Variants in PAPPA observed in about 807,000 individuals in gnomAD.
PAPPA encodes the protein pappalysin-1.
A neutral mutation model predicts 164.0 loss-of-function variants in PAPPA; 60 were observed. The ratio of observed to expected loss-of-function variants is 0.37; its 90% CI spans 0.30 to 0.45. PAPPA has a LOEUF of 0.45. Among genes scored for constraint, PAPPA ranks in the 20% least tolerant of loss-of-function variants. PAPPA has a pLI of 1.00. For synonymous variants in PAPPA, 875 were observed against 814.1 expected, an observed-to-expected ratio of 1.07 and a Z score of -1.27; for missense variants, 1,782 against 2,087.3, an observed-to-expected ratio of 0.85 and a Z score of 2.85.
intron 9 of PAPPA, among the ~76,000 whole-genome samples, chr9:116,300,856 T>A (rs899017458): frequency 6.6e-6 from 1 of 152,168 alleles, no homozygotes; most frequent in Non-Finnish European, 1.5e-5. Context: ...AAGAGTATTT[T>A]TTTTTTCTCT....
chr9:116,386,080 G>A (rs1846807177), intron 21 of PAPPA, among the ~76,000 whole-genome samples: 1 of 152,148 alleles, frequency 6.6e-6, no homozygotes, highest in African/African-American at 2.4e-5. Context: ...GAAGGGGAAA[G>A]GTCTCTTAAA....
At chr9:116,304,715 T>C (rs1845621999) in intron 10 of PAPPA, among the ~76,000 whole-genome samples, 1 of 152,142 alleles carries the variant, frequency 6.6e-6, no homozygotes, top group Non-Finnish European at 1.5e-5. Flanking sequence ...GATTATCTCT[T>C]CCTAAACAAA....
At chr9:116,172,409 T>C (rs545766112) in intron 1 of PAPPA, among the ~76,000 whole-genome samples, 3 of 152,314 alleles carry the variant, frequency 2.0e-5, no homozygotes, top group Admixed American at 6.5e-5. Flanking sequence ...TTGGAATGCA[T>C]AATTCCTTGT....
chr9:116,179,069 C>T (rs1376572885), intron 1 of PAPPA, among the ~76,000 whole-genome samples: 1 of 152,164 alleles, frequency 6.6e-6, no homozygotes, highest in Non-Finnish European at 1.5e-5. Flanking sequence ...AAATAGTTTA[C>T]AAGGAAATAT....
chr9:116,202,080 T>A (rs972154023), intron 2 of PAPPA, among the ~76,000 whole-genome samples: 3 of 152,008 alleles, frequency 2.0e-5, no homozygotes, highest in Admixed American at 1.3e-4. Context: ...AAATTGAGAG[T>A]CCTCAGTCTT....
intron 2 of PAPPA, among the ~76,000 whole-genome samples, chr9:116,190,308 C>T (rs552920264): frequency 1.3e-5 from 2 of 152,290 alleles, no homozygotes; most frequent in East Asian, 3.9e-4. Flanking sequence ...GTCATCCATT[C>T]ATTTGTACAT....
intron 2 of PAPPA, among the ~76,000 whole-genome samples, chr9:116,206,866 A>G (rs569813656): frequency 6.6e-6 from 1 of 152,280 alleles, no homozygotes; most frequent in Non-Finnish European, 1.5e-5. Context: ...AAACAGCATG[A>G]ATAAAATTGC....
At chr9:116,255,780 A>G (rs1449429196) in intron 7 of PAPPA, among the ~76,000 whole-genome samples, 1 of 152,014 alleles carries the variant, frequency 6.6e-6, no homozygotes, top group Non-Finnish European at 1.5e-5. Flanking sequence ...CTGAAAATCT[A>G]CATGTTTGGT....
Position 116,366,306 on chromosome 9 carries a change from C to T in PAPPA, c.4496-1339C>T, listed in dbSNP as rs139415884. Among the ~76,000 whole-genome samples the T allele has an allele frequency of 4.3e-3, 650 of 152,220 alleles. 7 individuals carry two copies. Among genetic ancestry groups the T allele is most frequent in the Admixed American group, 0.032 (494 of 15,292 alleles). ...AATGAGCTGAATTACAGTCAACTTGCCAACCCACAGCCTGGAAGTCAACTG... is the reference window on the plus strand; with the variant it reads ...AATGAGCTGAATTACAGTCAACTTGTCAACCCACAGCCTGGAAGTCAACTG... On this transcript the variant is annotated intron_variant, in intron 18 of 21. Coordinates refer to ENST00000328252, the MANE Select transcript of PAPPA (RefSeq NM_002581.5).
intron 11 of PAPPA, among the ~76,000 whole-genome samples, chr9:116,331,991 T>G (rs987036845): frequency 6.6e-6 from 1 of 152,214 alleles, no homozygotes; most frequent in Non-Finnish European, 1.5e-5. Flanking sequence ...ATTATCTTAC[T>G]AGAACCTCAC....
At chr9:116,265,477 C>T (rs571627263) in intron 7 of PAPPA, among the ~76,000 whole-genome samples, 2 of 152,220 alleles carry the variant, frequency 1.3e-5, no homozygotes, top group South Asian at 4.2e-4. Flanking sequence ...TGGTGCTTTC[C>T]CACCTCTGTG....
intron 17 of PAPPA, among the ~76,000 whole-genome samples, chr9:116,359,574 CCAGACT>C (rs1331061266): frequency 6.6e-6 from 1 of 152,218 alleles, no homozygotes; most frequent in Non-Finnish European, 1.5e-5. Context: ...TCTGGTCAAA[CCAGACT>C]CAGTCAGCAA....
intron 9 of PAPPA, among the ~76,000 whole-genome samples, chr9:116,295,566 A>AAAAAAAAAAAG (rs1554749299): frequency 6.0e-5 from 9 of 150,142 alleles, no homozygotes; most frequent in African/African-American, 2.3e-4. Context: ...AAAAAAAAAA[A>AAAAAAAAAAAG]AAAAGAAAAG....
intron 3 of PAPPA, among the ~76,000 whole-genome samples, chr9:116,208,195 A>G (rs1844261546): frequency 6.6e-6 from 1 of 152,252 alleles, no homozygotes. Context: ...TAGACATGAC[A>G]ACAGTTTCTG....
chr9:116,305,301 T>C (rs1265967230), intron 10 of PAPPA, among the ~76,000 whole-genome samples: 2 of 152,042 alleles, frequency 1.3e-5, no homozygotes, highest in Non-Finnish European at 1.5e-5. Context: ...TTAGAAGAGA[T>C]TGGTAGTTAA....
At chr9:116,378,880 T>TC (rs1846690066) in intron 20 of PAPPA, among the ~76,000 whole-genome samples, 2 of 152,204 alleles carry the variant, frequency 1.3e-5, no homozygotes, top group African/African-American at 4.8e-5. Context: ...CACATTTTTT[T>TC]CTCTGCATTG....
chr9:116,176,007 G>T (rs1376972657), intron 1 of PAPPA, among the ~76,000 whole-genome samples: 2 of 152,186 alleles, frequency 1.3e-5, no homozygotes, highest in African/African-American at 4.8e-5. Flanking sequence ...AGATGGCTGG[G>T]TCAAAGACTG....
intron 9 of PAPPA, among the ~76,000 whole-genome samples, chr9:116,272,006 C>G (rs572740582): frequency 3.9e-4 from 59 of 152,294 alleles, no homozygotes; most frequent in Non-Finnish European, 8.1e-4. Flanking sequence ...GAATAGCAGA[C>G]CAGCCTGTGT....
chr9:116,364,012 C>G (rs1016915633), intron 18 of PAPPA, among the ~76,000 whole-genome samples: 11 of 152,300 alleles, frequency 7.2e-5, no homozygotes, highest in Middle Eastern at 3.4e-3. Flanking sequence ...ATACAGCCAC[C>G]AATTCATGAG....
Sources: allele counts gnomAD v4.1 joint callset (sites outside exome capture counted in the v4.1 genomes callset), GRCh38; gene constraint gnomAD v4.1.1; transcripts MANE v1.5; gene names NCBI Gene and HGNC (gene_info 2026-07-23, HGNC 2026-07-21).